SASH1: variants seen among roughly 807,000 people sequenced by gnomAD.
SASH1 encodes SAM and SH3 domain containing 1.
In SASH1, 44 loss-of-function variants were observed where a neutral mutation model predicts 125.2. That is an observed-to-expected ratio of 0.35 (90% CI 0.28 to 0.45). The LOEUF (loss-of-function observed/expected upper bound fraction) is 0.45, where lower values mean the gene tolerates loss of function less well. SASH1 is among the 20% of genes least tolerant of loss of function. The pLI is 1.00. For missense variants in SASH1, 1,426 were observed against 1,614.5 expected, an observed-to-expected ratio of 0.88 and a Z score of 2.00; for synonymous variants, 639 against 649.1, an observed-to-expected ratio of 0.98 and a Z score of 0.24.
chr6:148,531,702 T>A lies in SASH1; in HGVS notation c.1564+41T>A, dbSNP rs777696711. On this transcript the variant is annotated intron_variant, in intron 13 of 19. Transcript: ENST00000367467. ...CATTGTAGATTATTTTCTTTGGAGT[T>A]AATATCTGACATATACTGAGCACTA... The A allele has an allele frequency of 7.5e-6, 11 of 1,461,324 alleles. No homozygotes were observed. The South Asian group carries it at 1.7e-4, about 22-fold the overall frequency. 90.5% of individuals were successfully genotyped at this position (1,461,324 alleles called of 1,614,324 possible). A position where few individuals can be genotyped will look rare whatever the true frequency, so the allele number is the denominator to read the frequency against.
chr6:148,418,140 C>A (rs1473645126), intron 2 of SASH1, among the ~76,000 whole-genome samples: 1 of 152,138 alleles, frequency 6.6e-6, no homozygotes, highest in Non-Finnish European at 1.5e-5. Context: ...TGACATTGTT[C>A]TTTCTATAGT....
intron 1 of SASH1, among the ~76,000 whole-genome samples, chr6:148,316,057 A>G (rs1289837332): frequency 1.3e-5 from 2 of 152,210 alleles, no homozygotes; most frequent in East Asian, 1.9e-4. Context: ...TGGAGCACCA[A>G]TGTTTTGAAA....
the SASH1 span, among the ~76,000 whole-genome samples, chr6:148,239,123 T>C: frequency 1.3e-5 from 2 of 152,170 alleles, no homozygotes; most frequent in Non-Finnish European, 2.9e-5. Flanking sequence ...TCTGAACTTA[T>C]TTGAGGTAGG....
intron 7 of SASH1, among the ~76,000 whole-genome samples, chr6:148,476,955 A>G (rs982213466): frequency 3.9e-5 from 6 of 152,212 alleles, no homozygotes; most frequent in African/African-American, 7.2e-5. Flanking sequence ...CCAAGAATAT[A>G]CAATGGGGAA....
chr6:148,298,016 T>A lies in SASH1; in HGVS notation n.74+25639T>A, dbSNP rs201657903. On this transcript the variant is annotated intron_variant and non_coding_transcript_variant, in intron 1 of 3. Transcript: ENST00000367469. ...AACTAATTGATTATTATATATATAT[T>A]TTTTTTTTGAGATGGAGTCTCGCTC... Among the ~76,000 whole-genome samples, 348 of 150,758 alleles carry A rather than the reference T, an allele frequency of 2.3e-3. 2 individuals carry two copies. The East Asian group carries it at 0.025, about 11-fold the overall frequency.
At chr6:148,324,796 T>A (rs1780752178) in intron 1 of SASH1, among the ~76,000 whole-genome samples, 1 of 152,140 alleles carries the variant, frequency 6.6e-6, no homozygotes, top group Non-Finnish European at 1.5e-5. Context: ...AATGCAGGAT[T>A]TCCAGTGCTA....
chr6:148,397,747 T>C (rs2114856186), intron 2 of SASH1, among the ~76,000 whole-genome samples: 1 of 152,280 alleles, frequency 6.6e-6, no homozygotes, highest in Non-Finnish European at 1.5e-5. Flanking sequence ...GCCCAATAAG[T>C]ATTTGTTGAA....
At chr6:148,378,756 A>G (rs1198555339) in intron 1 of SASH1, among the ~76,000 whole-genome samples, 4 of 152,142 alleles carry the variant, frequency 2.6e-5, no homozygotes, top group African/African-American at 7.2e-5. Flanking sequence ...GTGGGTTTAG[A>G]TCTTGTCTTC....
Position 148,548,567 on chromosome 6 carries a change from G to T in SASH1, c.*9G>T. The T allele has an allele frequency of 6.3e-7, 1 of 1,582,898 alleles. No homozygotes were observed. The highest frequency in any genetic ancestry group is 1.4e-5 in the African/African-American group (1 of 73,876). ...GCCCTGAGGCCATGTAGCCAGGCCC[G>T]GAATGGGCCTCTCTGGACAAGAGCC... On this transcript the variant is annotated 3_prime_UTR_variant, in exon 20 of 20. Transcript: ENST00000367467.
the SASH1 span, among the ~76,000 whole-genome samples, chr6:148,194,102 G>C: frequency 6.6e-6 from 1 of 152,178 alleles, no homozygotes; most frequent in Admixed American, 6.5e-5. Flanking sequence ...TGTGATTTCT[G>C]AACTGAACAT....
intron 2 of SASH1, among the ~76,000 whole-genome samples, chr6:148,424,411 A>G (rs1775714574): frequency 6.6e-6 from 1 of 152,070 alleles, no homozygotes; most frequent in Non-Finnish European, 1.5e-5. Flanking sequence ...TCTTTAGTAG[A>G]GACGGGGTTT....
intron 7 of SASH1, among the ~76,000 whole-genome samples, chr6:148,475,612 C>T (rs1778305872): frequency 6.6e-6 from 1 of 152,184 alleles, no homozygotes; most frequent in African/African-American, 2.4e-5. Flanking sequence ...TGGGGAGAAA[C>T]AAACATTCAA....
chr6:148,307,428 A>G (rs1780176480), intron 1 of SASH1, among the ~76,000 whole-genome samples: 1 of 152,010 alleles, frequency 6.6e-6, no homozygotes, highest in African/African-American at 2.4e-5. Context: ...CACAACCTTT[A>G]TAGGCAACTG....
At chr6:148,421,215 A>AAGAG (rs1554255027) in intron 2 of SASH1, among the ~76,000 whole-genome samples, 24 of 125,638 alleles carry the variant, frequency 1.9e-4, no homozygotes, top group Non-Finnish European at 2.8e-4. Flanking sequence ...GAAAGAAAGA[A>AAGAG]AAAGAAAGAA....
chr6:148,304,096 A>T (rs1219341098), intron 1 of SASH1, among the ~76,000 whole-genome samples: 2 of 152,122 alleles, frequency 1.3e-5, no homozygotes, highest in African/African-American at 2.4e-5. Flanking sequence ...CGAGGTCAGG[A>T]GTTCAAGACC....
At chr6:148,386,461 A>C (rs947196554) in intron 1 of SASH1, among the ~76,000 whole-genome samples, 1 of 152,220 alleles carries the variant, frequency 6.6e-6, no homozygotes, top group African/African-American at 2.4e-5. Flanking sequence ...TCCATGTTGG[A>C]ATACCTCAGT....
intron 1 of SASH1, among the ~76,000 whole-genome samples, chr6:148,385,579 T>G (rs571605628): frequency 6.6e-6 from 1 of 152,230 alleles, no homozygotes; most frequent in African/African-American, 2.4e-5. Context: ...CGGGCTGGAT[T>G]AGAGGGTTGG....
At chr6:148,469,809 C>T (rs1583211280) in intron 5 of SASH1, among the ~76,000 whole-genome samples, 1 of 151,824 alleles carries the variant, frequency 6.6e-6, no homozygotes, top group African/African-American at 2.4e-5. Context: ...GGGTGGATGA[C>T]GAGATCAGGA....
chr6:148,536,012 C>T lies in SASH1; in HGVS notation c.2095+1111C>T, dbSNP rs1055593952. Among the ~76,000 whole-genome samples the T allele has an allele frequency of 3.3e-5, 5 of 152,342 alleles. No homozygotes were observed. In the East Asian group the frequency reaches 5.8e-4, roughly 18 times the overall value. On this transcript the variant is annotated intron_variant, in intron 16 of 19. Coordinates refer to ENST00000367467, the MANE Select transcript of SASH1 (RefSeq NM_015278.5). ...TGAACTGGTAAGCTAGAGAAACACACACCATCAGATAGATGTCTGAGCCTA... is the reference window on the plus strand; with the variant it reads ...TGAACTGGTAAGCTAGAGAAACACATACCATCAGATAGATGTCTGAGCCTA...
Sources: gnomAD v4.1 joint callset for allele counts (sites outside exome capture counted in the v4.1 genomes callset) on GRCh38, gnomAD v4.1.1 for gene constraint, MANE v1.5 for transcripts, NCBI Gene and HGNC (gene_info 2026-07-23, HGNC 2026-07-21) for gene names.